Variants in ZNF133 observed in about 807,000 individuals in gnomAD.
ZNF133 encodes the protein zinc finger protein 133 (clone pHZ-13).
Under a neutral mutation model 54.9 loss-of-function variants are expected in ZNF133, and 26 were observed. The ratio of observed to expected loss-of-function variants is 0.47; its 90% CI spans 0.35 to 0.66. ZNF133 has a LOEUF of 0.66. Among genes scored for constraint, ZNF133 ranks in the 30% least tolerant of loss-of-function variants. The pLI, the probability that ZNF133 is intolerant of heterozygous loss-of-function variation, is 0.01. For synonymous variants in ZNF133, 298 were observed against 320.3 expected, an observed-to-expected ratio of 0.93 and a Z score of 0.74; for missense variants, 653 against 820.8, an observed-to-expected ratio of 0.80 and a Z score of 2.50.
chr20:18,295,919 C>G (rs766018234), intron 1 of ZNF133, among the ~76,000 whole-genome samples: 1 of 152,256 alleles, frequency 6.6e-6, no homozygotes, highest in South Asian at 2.1e-4. Flanking sequence ...GTACTTAAGG[C>G]TATAGTTTCC....
Position 18,297,966 on chromosome 20 carries a change from TTC to T in ZNF133, c.-431-17_-431-16del. On this transcript the variant is annotated splice_polypyrimidine_tract_variant and intron_variant, in intron 1 of 6. Transcript: ENST00000425686. The stretch of plus-strand genomic sequence containing the variant: ...GCATTTCTACCTGACACCCTCCCAT[TTC>T]TGTTTTCCTTACCCAGATCTACCTT... 1 of 1,501,160 alleles carries T rather than the reference TTC, an allele frequency of 6.7e-7. No individual in the cohort carries two copies. Among genetic ancestry groups the T allele is most frequent in the African/African-American group, 1.4e-5 (1 of 72,392 alleles). 93.0% of individuals were successfully genotyped at this position (1,501,160 alleles called of 1,614,324 possible).
rs544593210 is a variant in ZNF133, at chr20:18,306,141, T to C, written c.122-157T>C. 12 of 664,422 alleles carry C rather than the reference T, an allele frequency of 1.8e-5. No homozygotes were observed. In the East Asian group the frequency reaches 3.3e-4, roughly 18 times the overall value. The allele number at this position is 664,422 out of a possible 1,614,324, so 41.2% of individuals were successfully genotyped here. A position where few individuals can be genotyped will look rare whatever the true frequency, so the allele number is the denominator to read the frequency against. Reference sequence around the variant, plus strand: ...TCAGTGTACTCTCATCTGAGTTCACTGCCCACTCATCCCTTCCATTTCTGA... The same window carrying C: ...TCAGTGTACTCTCATCTGAGTTCACCGCCCACTCATCCCTTCCATTTCTGA... On this transcript the variant is annotated intron_variant, in intron 5 of 6. Coordinates refer to ENST00000425686, the MANE Select transcript of ZNF133 (RefSeq NM_001352452.2).
At chr20:18,303,185 T>C (rs1355088293) in intron 3 of ZNF133, among the ~76,000 whole-genome samples, 1 of 152,012 alleles carries the variant, frequency 6.6e-6, no homozygotes, top group East Asian at 1.9e-4. Context: ...TAGCTGGGAT[T>C]ATAGGTGCTG....
intron 1 of ZNF133, among the ~76,000 whole-genome samples, chr20:18,289,658 A>G (rs1475015592): frequency 1.3e-5 from 2 of 152,200 alleles, no homozygotes; most frequent in Non-Finnish European, 2.9e-5. Context: ...GGATAATAGC[A>G]TCTATCGTAT....
chr20:18,298,937 G>A (rs1383206457), intron 3 of ZNF133, among the ~76,000 whole-genome samples: 1 of 152,058 alleles, frequency 6.6e-6, no homozygotes, highest in Non-Finnish European at 1.5e-5. Context: ...TTAGCATGGA[G>A]ACACCCTACA....
At chr20:18,296,592 G>T (rs2042274776) in intron 1 of ZNF133, among the ~76,000 whole-genome samples, 1 of 152,152 alleles carries the variant, frequency 6.6e-6, no homozygotes. Flanking sequence ...TGTAGCATGT[G>T]TCAATTTCCT....
intron 1 of ZNF133, among the ~76,000 whole-genome samples, chr20:18,296,944 G>A (rs1298858696): frequency 1.3e-5 from 2 of 152,160 alleles, no homozygotes; most frequent in South Asian, 2.1e-4. Context: ...TTTTTGTTTA[G>A]AGTCACTTTG....
In ZNF133 at chr20:18,315,202, C is replaced by G. The variant is rs1233732086; in HGVS notation, c.351C>G (p.Ile117Met). The part of the protein sequence containing the change: ...IFTCLCAEGN[I>M]QPGDPGPGDQ... The stretch of plus-strand genomic sequence containing the variant: ...CATGCTTGTGTGCAGAAGGTAACAT[C>G]CAGCCTGGGGATCCGGGCCCAGGGG... Residue 117 changes from isoleucine to methionine, a missense_variant, in exon 7 of 7, where the codon ATC (isoleucine) becomes ATG (methionine). Around this residue, in one of 4 missense-constraint regions of ZNF133, gnomAD observed 227 missense variants for 233.9 expected, o/e 0.97. Transcript: ENST00000425686. The G allele has an allele frequency of 6.2e-7, 1 of 1,614,022 alleles. No homozygotes were observed. Among genetic ancestry groups the G allele is most frequent in the African/African-American group, 1.3e-5 (1 of 75,024 alleles).
Position 18,305,527 on chromosome 20 carries a change from G to A in ZNF133, c.-6-154G>A. ...TCACAAATGCCACTGGCTGGATTGA[G>A]ACAGGGATTTAAAAGTCTTGGAACA... On this transcript the variant is annotated intron_variant, in intron 4 of 6. Transcript: ENST00000425686. This position sits in a 1 kb window ranked among gnomAD's most constrained non-coding sequence, Gnocchi z 4.7. 1.8e-6 allele frequency: 2 copies of A among 1,100,994 alleles called. No individual in the cohort carries two copies. Among genetic ancestry groups the A allele is most frequent in the Non-Finnish European group, 2.6e-6 (2 of 776,220 alleles). The allele number at this position is 1,100,994 out of a possible 1,614,324, so 68.2% of individuals were successfully genotyped here. A position where few individuals can be genotyped will look rare whatever the true frequency, so the allele number is the denominator to read the frequency against.
chr20:18,315,293 G>A lies in ZNF133; in HGVS notation c.442G>A (p.Gly148Arg). 6.2e-7 allele frequency: 1 copy of A among 1,614,106 alleles called. No individual in the cohort carries two copies. The highest frequency in any genetic ancestry group is 1.3e-5 in the African/African-American group (1 of 75,002). ...PWSDQAEGPEGEGAMPLFGRT... is the reference protein window; with the variant it reads ...PWSDQAEGPEREGAMPLFGRT... ...GAGTGATCAAGCAGAAGGTCCTGAG[G>A]GAGAAGGTGCCATGCCTTTGTTTGG... The change falls in exon 7 of 7, where the codon GGA becomes AGA. Residue 148 changes from glycine (G) to arginine (R), a missense_variant. Gly to Arg is a moderately radical substitution (Grantham distance 125). Transcript: ENST00000425686.
rs756051858 is a variant in ZNF133, at chr20:18,306,437, C to T, written c.217+44C>T. The stretch of plus-strand genomic sequence containing the variant: ...GACAAATGAGACATGAGCTCAGCAG[C>T]TCAGAGGACTGGGGGAGAGGAGGCG... On this transcript the variant is annotated intron_variant, in intron 6 of 6. Coordinates refer to ENST00000425686, the MANE Select transcript of ZNF133 (RefSeq NM_001352452.2). 1.2e-4 allele frequency: 187 copies of T among 1,580,546 alleles called. No homozygotes were observed. The Middle Eastern group carries it at 2.0e-3, about 17-fold the overall frequency.
rs2042581076 is a variant in ZNF133, at chr20:18,297,995, T to G, written c.-421T>G. 5.2e-4 allele frequency: 776 copies of G among 1,506,210 alleles called. No individual in the cohort carries two copies. The highest frequency in any genetic ancestry group is 6.3e-4 in the Non-Finnish European group (707 of 1,120,200). 93.3% of individuals were successfully genotyped at this position (1,506,210 alleles called of 1,614,324 possible). A position where few individuals can be genotyped will look rare whatever the true frequency, so the allele number is the denominator to read the frequency against. The stretch of plus-strand genomic sequence containing the variant: ...GTTTTCCTTACCCAGATCTACCTTC[T>G]GAGATATCATCCTTCTTCAGGGAGA... On this transcript the variant is annotated 5_prime_UTR_variant, in exon 2 of 7. Transcript: ENST00000425686.
At chr20:18,299,511 G>A (rs555378145) in intron 3 of ZNF133, among the ~76,000 whole-genome samples, 3 of 152,276 alleles carry the variant, frequency 2.0e-5, no homozygotes, top group African/African-American at 4.8e-5. Context: ...AAAAGGGACA[G>A]AGAGATTGTT....
chr20:18,295,696 C>T (rs1050913951), intron 1 of ZNF133, among the ~76,000 whole-genome samples: 1 of 152,124 alleles, frequency 6.6e-6, no homozygotes, highest in Non-Finnish European at 1.5e-5. Flanking sequence ...CTCACTCTCT[C>T]ACCTAGACTG....
chr20:18,302,539 G>A (rs1853119269), intron 3 of ZNF133, among the ~76,000 whole-genome samples: 1 of 151,886 alleles, frequency 6.6e-6, no homozygotes, highest in Admixed American at 6.6e-5. Context: ...ACTAGAAATA[G>A]AAGGAAACCA....
chr20:18,301,141 T>A (rs1407797996), intron 3 of ZNF133, among the ~76,000 whole-genome samples: 1 of 152,050 alleles, frequency 6.6e-6, no homozygotes, highest in Non-Finnish European at 1.5e-5. Flanking sequence ...AATTTAAAAA[T>A]TCACAAATAC....
At chr20:18,290,385 T>G (rs1254257916) in intron 1 of ZNF133, among the ~76,000 whole-genome samples, 1 of 152,220 alleles carries the variant, frequency 6.6e-6, no homozygotes, top group African/African-American at 2.4e-5. Context: ...TACTCTCACT[T>G]ACTCTTTTCC....
At chr20:18,306,774 A>G (rs775818079) in intron 6 of ZNF133, 67 of 1,306,024 alleles carry the variant, frequency 5.1e-5, no homozygotes, top group African/African-American at 6.3e-5. Context: ...GAAGAAATCT[A>G]AAAAGCCAAT....
In ZNF133 at chr20:18,298,058, G is replaced by A; in HGVS notation, c.-358G>A. On this transcript the variant is annotated 5_prime_UTR_variant, in exon 2 of 7. Coordinates refer to ENST00000425686, the MANE Select transcript of ZNF133 (RefSeq NM_001352452.2). ...GCCACAGGGTCCCGGAGAGCCAGGG[G>A]AATGGTGAGTGTTTCCTGTCTCCAT... 7.8e-6 allele frequency: 12 copies of A among 1,535,516 alleles called. No homozygotes were observed. Among genetic ancestry groups the A allele is most frequent in the Non-Finnish European group, 1.0e-5 (12 of 1,146,816 alleles).
Sources: gnomAD v4.1 joint callset for allele counts (sites outside exome capture counted in the v4.1 genomes callset) on GRCh38, gnomAD v4.1.1 for gene constraint, gnomAD v4.1.1 regional missense constraint, Gnocchi (gnomAD v3.1) non-coding constraint, MANE v1.5 for transcripts, NCBI Gene and HGNC (gene_info 2026-07-23, HGNC 2026-07-21) for gene names.